The following USP22 variants were observed in gnomAD, a reference collection of about 807,000 sequenced individuals.
USP22 encodes the protein ubiquitin carboxyl-terminal hydrolase 22.
In USP22, 22 loss-of-function variants were observed where a neutral mutation model predicts 68.1. The ratio of observed to expected loss-of-function variants is 0.32; its 90% CI spans 0.23 to 0.46. The LOEUF (loss-of-function observed/expected upper bound fraction) is 0.46, where lower values mean the gene tolerates loss of function less well. Ranked by LOEUF, USP22 falls within the 20% of genes least tolerant of loss-of-function variation. The pLI, the probability that USP22 is intolerant of heterozygous loss-of-function variation, is 1.00. For missense variants in USP22, 433 were observed against 695.8 expected (o/e 0.62, Z 4.25); for synonymous variants, 279 against 274.2 (o/e 1.02, Z -0.17).
chr17:21,038,493 A>G (rs1972384175), intron 1 of USP22, among the ~76,000 whole-genome samples: 1 of 151,960 alleles, frequency 6.6e-6, no homozygotes, highest in Non-Finnish European at 1.5e-5. Flanking sequence ...ACATGGCAAA[A>G]CTCATGGCTA....
In USP22 at chr17:21,002,628, G is replaced by A; in HGVS notation, c.*403C>T. ...CCCGCACACTACACCTCTGTGTCCA[G>A]CTTACTGCTTTCATGGACCCATAAT... On this transcript the variant is annotated 3_prime_UTR_variant, in exon 13 of 13. Coordinates refer to ENST00000261497, the MANE Select transcript of USP22 (RefSeq NM_015276.2). 3.8e-6 allele frequency: 1 copy of A among 260,882 alleles called. No homozygotes were observed. The allele number at this position is 260,882 out of a possible 1,614,324, so 16.2% of individuals were successfully genotyped here.
intron 3 of USP22, among the ~76,000 whole-genome samples, chr17:21,020,244 C>CAAAAAAAAACAAAAAAA (rs1972136452): frequency 1.4e-5 from 1 of 73,252 alleles, no homozygotes; most frequent in Non-Finnish European, 2.5e-5. Context: ...AATCAAAAAC[C>CAAAAAAAAACAAAAAAA]AAAAAAAAAA....
At position 21,028,690 on chromosome 17, in the gene USP22, G is replaced by A; in HGVS notation, c.172-16C>T. 6.2e-7 allele frequency: 1 copy of A among 1,612,646 alleles called. No individual in the cohort carries two copies. Among genetic ancestry groups the A allele is most frequent in the Non-Finnish European group, 8.5e-7 (1 of 1,179,752 alleles). ...AGGACTTGGCCTGAAATTCAGAGAAGAGGAGGAGTGAACGCTGTGTGATAA... is the reference window on the plus strand; with the variant it reads ...AGGACTTGGCCTGAAATTCAGAGAAAAGGAGGAGTGAACGCTGTGTGATAA... On this transcript the variant is annotated splice_polypyrimidine_tract_variant and intron_variant, in intron 1 of 12. Transcript: ENST00000261497.
At chr17:21,040,785 G>A (rs1597703891) in intron 1 of USP22, among the ~76,000 whole-genome samples, 1 of 152,104 alleles carries the variant, frequency 6.6e-6, no homozygotes, top group African/African-American at 2.4e-5. Context: ...TTCATCCAAA[G>A]TAGTAACAAA....
chr17:21,032,622 C>T (rs1479574701), intron 1 of USP22, among the ~76,000 whole-genome samples: 1 of 152,158 alleles, frequency 6.6e-6, no homozygotes, highest in Non-Finnish European at 1.5e-5. Context: ...CATTTTTATT[C>T]TATCTCCTTT....
intron 1 of USP22, among the ~76,000 whole-genome samples, chr17:21,038,954 GT>G (rs1299911788): frequency 2.6e-5 from 4 of 151,976 alleles, no homozygotes; most frequent in African/African-American, 9.6e-5. Flanking sequence ...CATGGAAATA[GT>G]TTTTTTCTTT....
intron 6 of USP22, 62 bp downstream of exon 6, chr17:21,015,690 G>A (rs1914110753): frequency 4.5e-6 from 7 of 1,539,086 alleles, no homozygotes; most frequent in Non-Finnish European, 6.1e-6. Flanking sequence ...CACTCGCTTT[G>A]CTTCCTTCCC....
At chr17:21,016,363 C>T (rs1011256233) in intron 5 of USP22, among the ~76,000 whole-genome samples, 2 of 152,240 alleles carry the variant, frequency 1.3e-5, no homozygotes, top group African/African-American at 4.8e-5. Context: ...GCTTGCCAGC[C>T]AGTCCTCTCC....
At chr17:21,035,691 C>T (rs984312902) in intron 1 of USP22, among the ~76,000 whole-genome samples, 7 of 152,080 alleles carry the variant, frequency 4.6e-5, no homozygotes, top group Non-Finnish European at 1.0e-4. Flanking sequence ...GAAACTTAAA[C>T]GACTTACCAG....
chr17:21,020,919 C>T (rs138454800), intron 3 of USP22, among the ~76,000 whole-genome samples, 194 bp downstream of exon 3: 1,832 of 152,278 alleles, frequency 0.012, 34 homozygotes, highest in Admixed American at 0.047. Context: ...ATGCATGCCT[C>T]GACACTAGCC....
intron 8 of USP22, among the ~76,000 whole-genome samples, chr17:21,009,068 G>A (rs564497420): frequency 7.8e-6 from 1 of 127,828 alleles, no homozygotes; most frequent in Admixed American, 9.7e-5. Flanking sequence ...TCCAGCCTGG[G>A]CAACAAGAGC....
intron 2 of USP22, among the ~76,000 whole-genome samples, chr17:21,027,568 G>T (rs1055078207): frequency 1.1e-4 from 17 of 152,158 alleles, no homozygotes; most frequent in African/African-American, 3.9e-4. Flanking sequence ...CAGGTATCTA[G>T]CTTGGACCGC....
chr17:21,028,231 G>A (rs1047753205), intron 2 of USP22, among the ~76,000 whole-genome samples: 2 of 152,116 alleles, frequency 1.3e-5, no homozygotes, highest in African/African-American at 2.4e-5. Flanking sequence ...TTTGCCTAAG[G>A]TGATTCCTAT....
At chr17:21,004,716 G>A (rs1913723382) in intron 11 of USP22, among the ~76,000 whole-genome samples, 1 of 152,180 alleles carries the variant, frequency 6.6e-6, no homozygotes, top group Non-Finnish European at 1.5e-5. Flanking sequence ...GAGTGGGGCT[G>A]GGCTCCTCCA....
At chr17:21,007,834 A>T (rs774216672) in intron 9 of USP22, 36 bp downstream of exon 9, 1 of 1,613,760 alleles carries the variant, frequency 6.2e-7, no homozygotes, top group Non-Finnish European at 8.5e-7. Flanking sequence ...CTAAAAACTA[A>T]GTCTGCCATT....
chr17:21,021,463 C>T (rs1160839446), intron 2 of USP22, among the ~76,000 whole-genome samples: 2 of 152,152 alleles, frequency 1.3e-5, no homozygotes, highest in Non-Finnish European at 2.9e-5. Flanking sequence ...AGAGGCGACC[C>T]ATACATACTT....
chr17:21,015,514 G>T, intron 6 of USP22: 1 of 511,158 alleles, frequency 2.0e-6, no homozygotes, highest in Non-Finnish European at 3.3e-6. Context: ...CGGTCACTGA[G>T]GACCTGTCAT....
At chr17:21,030,593 C>T (rs1007438901) in intron 1 of USP22, among the ~76,000 whole-genome samples, 4 of 152,194 alleles carry the variant, frequency 2.6e-5, no homozygotes, top group African/African-American at 9.6e-5. Context: ...AACAACATGG[C>T]GGCGCCTGTG....
Position 21,017,606 on chromosome 17 carries a change from T to A in USP22, c.690+336A>T, listed in dbSNP as rs560045183. ...AGGACACAGGAGGGTGACACATGCGTGCCTTTCTGAGCCAGGAAGGTAGAC... is the reference window on the plus strand; with the variant it reads ...AGGACACAGGAGGGTGACACATGCGAGCCTTTCTGAGCCAGGAAGGTAGAC... On this transcript the variant is annotated intron_variant, in intron 5 of 12. Transcript: ENST00000261497. 3.9e-5 allele frequency among the ~76,000 whole-genome samples: 6 copies of A among 152,176 alleles called. No homozygotes were observed. The South Asian group carries it at 1.0e-3, about 26-fold the overall frequency.
Sources: allele counts gnomAD v4.1 joint callset (sites outside exome capture counted in the v4.1 genomes callset), GRCh38; gene constraint gnomAD v4.1.1; transcripts MANE v1.5; gene names NCBI Gene and HGNC (gene_info 2026-07-23, HGNC 2026-07-21).